The following KANK1 variants were observed in gnomAD, a reference collection of about 807,000 sequenced individuals.
KANK1 encodes KN motif and ankyrin repeat domain-containing protein 1.
A neutral mutation model predicts 106.2 loss-of-function variants in KANK1; 109 were observed. The ratio of observed to expected loss-of-function variants is 1.03; its 90% confidence interval spans 0.88 to 1.20. KANK1 has a LOEUF of 1.20. Among genes scored for constraint, KANK1 ranks in the 50% most tolerant of loss-of-function variants. The pLI is 0.00. For missense variants in KANK1, 2,399 were observed against 1,710.7 expected, an observed-to-expected ratio of 1.40 and a Z score of -7.10; for synonymous variants, 873 against 652.2, an observed-to-expected ratio of 1.34 and a Z score of -5.16.
At chr9:617,597 C>G (rs1035593598) in intron 1 of KANK1, among the ~76,000 whole-genome samples, 1 of 152,174 alleles carries the variant, frequency 6.6e-6, no homozygotes, top group African/African-American at 2.4e-5. Context: ...GAGCCAGCTG[C>G]TCTTCTTTCA....
chr9:505,017 T>C (rs1007023437), intron 1 of KANK1, among the ~76,000 whole-genome samples: 43 of 151,608 alleles, frequency 2.8e-4, no homozygotes, highest in African/African-American at 9.6e-4. Context: ...TGGCGCGCTC[T>C]GCAGCGGCGG....
At chr9:580,214 G>C (rs376602480) in intron 1 of KANK1, among the ~76,000 whole-genome samples, 1 of 151,970 alleles carries the variant, frequency 6.6e-6, no homozygotes, top group South Asian at 2.1e-4. Context: ...CGTTCCTCCG[G>C]TCTGGAGTTG....
At chr9:604,164 A>G (rs1563843507) in intron 1 of KANK1, among the ~76,000 whole-genome samples, 1 of 151,616 alleles carries the variant, frequency 6.6e-6, no homozygotes, top group East Asian at 1.9e-4. Flanking sequence ...TATTGTTCTG[A>G]TTATTCTGGT....
At position 711,394 on chromosome 9, in the gene KANK1, C is replaced by T; in HGVS notation, c.628C>T (p.His210Tyr). ...TTCTGGAAACCACAATCCTGCCAAGCACCAGCTTCAGAATGGATACCAAGG... is the reference window on the plus strand; with the variant it reads ...TTCTGGAAACCACAATCCTGCCAAGTACCAGCTTCAGAATGGATACCAAGG... Reference protein sequence around the residue: ...VGSGNHNPAKHQLQNGYQGNG... With the variant: ...VGSGNHNPAKYQLQNGYQGNG... The change falls in exon 3 of 12, where the codon CAC becomes TAC. Residue 210 changes from histidine (H) to tyrosine (Y), a missense_variant. Physicochemically the swap from His to Tyr is moderately conservative, Grantham distance 83. Transcript: ENST00000382297. 6.2e-7 allele frequency: 1 copy of T among 1,614,148 alleles called. No individual in the cohort carries two copies. The highest frequency in any genetic ancestry group is 1.3e-5 in the African/African-American group (1 of 75,054).
At chr9:529,491 G>A (rs1002696039) in intron 1 of KANK1, among the ~76,000 whole-genome samples, 6 of 89,472 alleles carry the variant, frequency 6.7e-5, no homozygotes, top group East Asian at 3.4e-4. Flanking sequence ...GAGCCACCGC[G>A]CCCGGCCTCA....
intron 4 of KANK1, chr9:730,860 G>C (rs868710555): frequency 4.5e-6 from 1 of 221,250 alleles, no homozygotes; most frequent in Non-Finnish European, 8.9e-6. Flanking sequence ...CTTGAGGCTC[G>C]TGAGACACGA....
intron 7 of KANK1, 25 bp from the exon 8 acceptor site, chr9:738,256 GAACT>G (rs1564123784): frequency 6.3e-7 from 1 of 1,578,294 alleles, no homozygotes; most frequent in East Asian, 2.3e-5. Flanking sequence ...ATAAATAGAA[GAACT>G]AACGACCACT....
rs545892240 is a variant in KANK1, at chr9:606,355, G to A, written c.-83-70535G>A. 1.5e-3 allele frequency among the ~76,000 whole-genome samples: 215 copies of A among 139,146 alleles called. 32 individuals carry two copies. Among genetic ancestry groups the A allele is most frequent in the African/African-American group, 6.9e-3 (203 of 29,518 alleles). The allele number at this position is 139,146 out of a possible 152,430, so 91.3% of individuals were successfully genotyped here. On this transcript the variant is annotated intron_variant, in intron 1 of 11. Transcript: ENST00000382297. ...GCAAATCACCTGAGGTCAGGAATTC[G>A]AGACTAGCCTGACTAACATGGTGAA...
chr9:685,784 A>G (rs1818417055), intron 2 of KANK1, among the ~76,000 whole-genome samples: 1 of 152,226 alleles, frequency 6.6e-6, no homozygotes, highest in Non-Finnish European at 1.5e-5. Flanking sequence ...GGCAGAATCA[A>G]AAGATAGCTG....
chr9:728,515 A>C (rs951664442), intron 3 of KANK1, among the ~76,000 whole-genome samples: 1 of 152,200 alleles, frequency 6.6e-6, no homozygotes, highest in South Asian at 2.1e-4. Context: ...ATGTATATTG[A>C]AATGGCCCTG....
chr9:728,581 C>A (rs978841976), intron 3 of KANK1, among the ~76,000 whole-genome samples: 1 of 152,200 alleles, frequency 6.6e-6, no homozygotes, highest in Non-Finnish European at 1.5e-5. Flanking sequence ...CCTTACCTGT[C>A]CAGGCCTTTT....
chr9:648,409 A>G (rs76990073), intron 1 of KANK1, among the ~76,000 whole-genome samples: 6,610 of 152,248 alleles, frequency 0.043, 158 homozygotes, highest in Non-Finnish European at 0.058. Context: ...TATATGTATA[A>G]GATTTGCCAC....
intron 1 of KANK1, among the ~76,000 whole-genome samples, chr9:566,368 A>G (rs972318222): frequency 1.3e-5 from 2 of 152,138 alleles, no homozygotes; most frequent in African/African-American, 4.8e-5. Flanking sequence ...CTTTTGGTGT[A>G]CACCCAGTAA....
At chr9:670,320 C>G (rs1335525920) in intron 1 of KANK1, among the ~76,000 whole-genome samples, 1 of 152,098 alleles carries the variant, frequency 6.6e-6, no homozygotes, top group Non-Finnish European at 1.5e-5. Flanking sequence ...ATTATTTATT[C>G]CAATCTTCTC....
chr9:471,121 T>C (rs187269677), intron 2 of KANK1, among the ~76,000 whole-genome samples: 4 of 152,350 alleles, frequency 2.6e-5, no homozygotes, highest in South Asian at 4.1e-4. Context: ...TTTGCCACAG[T>C]TGTTACTGCT....
chr9:506,530 GTGTGT>G (rs2058763731), intron 1 of KANK1, among the ~76,000 whole-genome samples: 2 of 95,214 alleles, frequency 2.1e-5, no homozygotes, highest in African/African-American at 3.0e-4. Context: ...AGTTCTGGGT[GTGTGT>G]GTGTGTGTGT....
chr9:640,376 C>A (rs1052074878), intron 1 of KANK1, among the ~76,000 whole-genome samples: 1 of 151,896 alleles, frequency 6.6e-6, no homozygotes, highest in African/African-American at 2.4e-5. Flanking sequence ...GCTGGGATTA[C>A]AGGTGCATGC....
chr9:630,628 G>A (rs942068180), intron 1 of KANK1, among the ~76,000 whole-genome samples: 34 of 151,346 alleles, frequency 2.2e-4, no homozygotes, highest in Admixed American at 2.0e-3. Context: ...AGGGCTGGGC[G>A]CGGTGGCTCA....
chr9:714,119 T>A (rs1475766379), intron 3 of KANK1, among the ~76,000 whole-genome samples: 1 of 152,124 alleles, frequency 6.6e-6, no homozygotes, highest in East Asian at 1.9e-4. Flanking sequence ...ATTCCTACTC[T>A]GTCTCAAGCT....
Sources: allele counts gnomAD v4.1 joint callset (sites outside exome capture counted in the v4.1 genomes callset), GRCh38; gene constraint gnomAD v4.1.1; transcripts MANE v1.5; gene names NCBI Gene and HGNC (gene_info 2026-07-23, HGNC 2026-07-21).